KIAA1328: variants seen among roughly 807,000 people sequenced by gnomAD.
The protein encoded by KIAA1328 is KIAA1328, also known as protein hinderin.
KIAA1328 carries 52 observed loss-of-function variants against 68.1 expected under a neutral mutation model. The observed-to-expected ratio is 0.76, with a 90% confidence interval of 0.61 to 0.96. The LOEUF is 0.96. Among genes scored for constraint, KIAA1328 ranks in the 40% least tolerant of loss-of-function variants. The pLI is 0.00. For missense variants in KIAA1328, 641 were observed against 677.6 expected (o/e 0.95, Z 0.60); for synonymous variants, 232 against 239.4 (o/e 0.97, Z 0.28).
intron 7 of KIAA1328, among the ~76,000 whole-genome samples, chr18:37,121,696 T>C (rs898051810): frequency 1.1e-4 from 17 of 152,252 alleles, no homozygotes; most frequent in African/African-American, 2.2e-4. Flanking sequence ...AATGTTAAAG[T>C]GAATATAGAA....
At position 36,920,256 on chromosome 18, in the gene KIAA1328, TCTC is replaced by T. The variant is rs1238725645; in HGVS notation, c.448+34587_448+34589del. ...GTAGAAGGCAGGGGCCTAGGTTCAT[TCTC>T]CTGCATGTGGCTAGGCAGTTATCCC... On this transcript the variant is annotated intron_variant, in intron 5 of 9. Coordinates refer to ENST00000280020, the MANE Select transcript of KIAA1328 (RefSeq NM_020776.3). 1.4e-4 allele frequency among the ~76,000 whole-genome samples: 21 copies of T among 152,214 alleles called. 1 individual carries two copies. In the South Asian group the frequency reaches 3.9e-3, roughly 29 times the overall value.
In KIAA1328 at chr18:37,156,951, G is replaced by T. The variant is rs1255840935; in HGVS notation, c.1233-3249G>T. Among the ~76,000 whole-genome samples, 4 of 152,168 alleles carry T rather than the reference G, an allele frequency of 2.6e-5. 1 individual carries two copies. The South Asian group carries it at 8.3e-4, about 32-fold the overall frequency. ...AAGTACTAAGAGGGAAGAGGACAGGGACAGACTTTTGCAATGTCTGCATCT... is the reference window on the plus strand; with the variant it reads ...AAGTACTAAGAGGGAAGAGGACAGGTACAGACTTTTGCAATGTCTGCATCT... On this transcript the variant is annotated intron_variant, in intron 7 of 9. Transcript: ENST00000280020.
intron 8 of KIAA1328, among the ~76,000 whole-genome samples, chr18:37,172,427 TC>T (rs1453721720): frequency 6.6e-6 from 1 of 152,222 alleles, no homozygotes; most frequent in African/African-American, 2.4e-5. Context: ...GTCAGGCAGT[TC>T]CTGGGAGGAT....
chr18:36,954,603 T>G (rs772350176), intron 5 of KIAA1328: 8 of 152,186 alleles, frequency 5.3e-5, no homozygotes, highest in South Asian at 4.1e-4. Context: ...AGTTATTACA[T>G]TGGGCGTTCT....
intron 6 of KIAA1328, among the ~76,000 whole-genome samples, chr18:37,056,944 A>G (rs1427139517): frequency 6.6e-6 from 1 of 152,112 alleles, no homozygotes; most frequent in Non-Finnish European, 1.5e-5. Context: ...CGCCCAGCCT[A>G]TATAAGACAA....
chr18:37,066,861 T>G (rs1568359401), intron 6 of KIAA1328, 29 bp from the exon 7 acceptor site: 2 of 1,518,444 alleles, frequency 1.3e-6, no homozygotes, highest in East Asian at 4.6e-5. Context: ...GTGTTCTTAT[T>G]TGACAGGTGA....
At chr18:36,950,383 AC>A (rs2051110145) in intron 5 of KIAA1328, among the ~76,000 whole-genome samples, 1 of 152,134 alleles carries the variant, frequency 6.6e-6, no homozygotes, top group Non-Finnish European at 1.5e-5. Flanking sequence ...GAGCTCCTTT[AC>A]TTTTATTTCT....
At chr18:37,078,559 A>G (rs1332508702) in intron 7 of KIAA1328, among the ~76,000 whole-genome samples, 9 of 147,916 alleles carry the variant, frequency 6.1e-5, no homozygotes, top group African/African-American at 2.2e-4. Context: ...AAAATGGGAG[A>G]AAATTTTCAC....
intron 4 of KIAA1328, among the ~76,000 whole-genome samples, chr18:36,871,415 T>A (rs539985419): frequency 6.6e-6 from 1 of 152,284 alleles, no homozygotes; most frequent in Non-Finnish European, 1.5e-5. Context: ...GCTGATGATG[T>A]TAAACTTGAT....
At chr18:37,045,516 C>G (rs1284108194) in intron 6 of KIAA1328, among the ~76,000 whole-genome samples, 1 of 144,946 alleles carries the variant, frequency 6.9e-6, no homozygotes. Flanking sequence ...ATTTTTTGTT[C>G]TGCAAGTTTC....
intron 6 of KIAA1328, among the ~76,000 whole-genome samples, chr18:37,065,466 A>C (rs1260329018): frequency 6.6e-6 from 1 of 152,190 alleles, no homozygotes; most frequent in Non-Finnish European, 1.5e-5. Context: ...TAAAGGTTAT[A>C]CTCTGGCTGC....
chr18:37,075,848 C>A (rs2056711704), intron 7 of KIAA1328, among the ~76,000 whole-genome samples: 1 of 152,142 alleles, frequency 6.6e-6, no homozygotes, highest in Non-Finnish European at 1.5e-5. Context: ...CCTGAGTGAC[C>A]TACAAAGAGA....
chr18:37,215,487 A>G (rs1027367810), intron 9 of KIAA1328, among the ~76,000 whole-genome samples: 2 of 152,206 alleles, frequency 1.3e-5, no homozygotes, highest in Non-Finnish European at 2.9e-5. Context: ...CTTGCATCCC[A>G]GGGATGAAGC....
In KIAA1328 at chr18:37,222,025, C is replaced by T. The variant is rs763013447; in HGVS notation, c.1532C>T (p.Thr511Ile). Residue 511 changes from threonine to isoleucine, a missense_variant, in exon 10 of 10, where the codon ACA (threonine) becomes ATA (isoleucine). Thr to Ile is a moderately conservative substitution (Grantham distance 89, BLOSUM62 -1). Coordinates refer to ENST00000280020, the MANE Select transcript of KIAA1328 (RefSeq NM_020776.3). The stretch of plus-strand genomic sequence containing the variant: ...GGTTATATGTCTTACAGGTATGAGA[C>T]ATCTTTGTTGGATTTGGTTCAGTCT... The part of the protein sequence containing the change: ...SLQHTTSRYE[T>I]SLLDLVQSLS... 1 of 1,613,320 alleles carries T rather than the reference C, an allele frequency of 6.2e-7. No homozygotes were observed. The highest frequency in any genetic ancestry group is 1.1e-5 in the South Asian group (1 of 90,908).
intron 5 of KIAA1328, among the ~76,000 whole-genome samples, chr18:36,950,122 A>G (rs2051099143): frequency 6.6e-6 from 1 of 152,200 alleles, no homozygotes. Flanking sequence ...TATATAATTT[A>G]GACCTCAATT....
intron 9 of KIAA1328, among the ~76,000 whole-genome samples, chr18:37,215,633 G>A (rs1372494127): frequency 3.3e-5 from 5 of 152,130 alleles, no homozygotes; most frequent in African/African-American, 9.7e-5. Context: ...TCTCTGCCAG[G>A]CTTTGGTATC....
intron 9 of KIAA1328, among the ~76,000 whole-genome samples, chr18:37,213,297 G>A (rs908439693): frequency 1.3e-5 from 2 of 151,812 alleles, no homozygotes; most frequent in Non-Finnish European, 1.5e-5. Flanking sequence ...ATCCCTCCCC[G>A]CTCTCCCCAC....
intron 6 of KIAA1328, among the ~76,000 whole-genome samples, chr18:37,047,239 A>G (rs1278529204): frequency 1.3e-5 from 2 of 152,144 alleles, no homozygotes; most frequent in African/African-American, 2.4e-5. Context: ...TTTGTGGTCT[A>G]TTGTAGGCCT....
intron 6 of KIAA1328, among the ~76,000 whole-genome samples, chr18:37,038,971 T>C (rs1471827248): frequency 6.6e-6 from 1 of 152,182 alleles, no homozygotes; most frequent in East Asian, 1.9e-4. Context: ...GAGATGATCT[T>C]TTGGTTTTGG....
Sources: gnomAD v4.1 joint callset for allele counts (sites outside exome capture counted in the v4.1 genomes callset) on GRCh38, gnomAD v4.1.1 for gene constraint, MANE v1.5 for transcripts, NCBI Gene and HGNC (gene_info 2026-07-23, HGNC 2026-07-21) for gene names.